COG6: variants seen among roughly 807,000 people sequenced by gnomAD.
COG6 encodes component of oligomeric golgi complex 6.
COG6 carries 74 observed loss-of-function variants against 88.8 expected under a neutral mutation model. The observed-to-expected ratio is 0.83, with a 90% CI of 0.69 to 1.01. COG6 has a LOEUF of 1.01. Among genes scored for constraint, COG6 ranks in the 50% least tolerant of loss-of-function variants. COG6 has a pLI of 0.00. For synonymous variants in COG6, 286 were observed against 278.7 expected (o/e 1.03, Z -0.26); for missense variants, 800 against 797.9 (o/e 1.00, Z -0.03).
intron 15 of COG6, among the ~76,000 whole-genome samples, chr13:39,722,487 A>G (rs1038984804): frequency 6.6e-6 from 1 of 151,888 alleles, no homozygotes; most frequent in African/African-American, 2.4e-5. Flanking sequence ...GAAAATGGCA[A>G]TCATTTAGAT....
intron 12 of COG6, among the ~76,000 whole-genome samples, chr13:39,697,662 A>G (rs77987169): frequency 0.064 from 9,661 of 151,798 alleles, 389 homozygotes; most frequent in Non-Finnish European, 0.095. Context: ...TCCTGCCCCT[A>G]TCTGATACCC....
chr13:39,759,082 G>A (rs547073248), intron 18 of COG6, among the ~76,000 whole-genome samples: 2 of 152,186 alleles, frequency 1.3e-5, no homozygotes, highest in African/African-American at 2.4e-5. Context: ...GGAACTGATC[G>A]GGAAGAGACA....
At chr13:39,762,761 GTT>G (rs199547975) in intron 18 of COG6, among the ~76,000 whole-genome samples, 2 of 139,212 alleles carry the variant, frequency 1.4e-5, no homozygotes, top group African/African-American at 2.6e-5. Flanking sequence ...CAAAATAAGA[GTT>G]TTTTTTTTTT....
At chr13:39,673,750 T>A (rs1875790284) in intron 4 of COG6, among the ~76,000 whole-genome samples, 1 of 151,468 alleles carries the variant, frequency 6.6e-6, no homozygotes, top group East Asian at 1.9e-4. Flanking sequence ...ACTCTACCAC[T>A]CAGATAGAAC....
intron 13 of COG6, among the ~76,000 whole-genome samples, chr13:39,711,395 A>G (rs1263579464): frequency 6.6e-6 from 1 of 152,224 alleles, no homozygotes; most frequent in African/African-American, 2.4e-5. Flanking sequence ...AATTAACTTT[A>G]TAGAATTCAA....
At chr13:39,673,823 T>C (rs1875794565) in intron 4 of COG6, among the ~76,000 whole-genome samples, 1 of 152,036 alleles carries the variant, frequency 6.6e-6, no homozygotes, top group African/African-American at 2.4e-5. Flanking sequence ...GTTAATATTT[T>C]ACTTTTTTCC....
intron 12 of COG6, among the ~76,000 whole-genome samples, chr13:39,695,001 G>C (rs1234608066): frequency 6.9e-6 from 1 of 143,914 alleles, no homozygotes; most frequent in African/African-American, 2.6e-5. Context: ...CCCTTATATA[G>C]CAATATAAGT....
intron 18 of COG6, among the ~76,000 whole-genome samples, chr13:39,757,901 A>C (rs894154695): frequency 1.3e-5 from 2 of 152,136 alleles, no homozygotes; most frequent in Non-Finnish European, 2.9e-5. Flanking sequence ...TGTGTATCCA[A>C]AATAAACTCT....
chr13:39,707,174 C>G (rs1178910196), intron 13 of COG6, among the ~76,000 whole-genome samples: 1 of 150,892 alleles, frequency 6.6e-6, no homozygotes, highest in African/African-American at 2.4e-5. Flanking sequence ...TGTCACCAGG[C>G]TGGAGTGTAA....
Position 39,689,742 on chromosome 13 carries a change from T to C in COG6, c.1010-18T>C, listed in dbSNP as rs1462370402. 3 of 1,555,256 alleles carry C rather than the reference T, an allele frequency of 1.9e-6. No individual in the cohort carries two copies. The East Asian group carries it at 6.8e-5, about 35-fold the overall frequency. On this transcript the variant is annotated intron_variant, in intron 10 of 18. Coordinates refer to ENST00000455146, the MANE Select transcript of COG6 (RefSeq NM_020751.3). ...ATAATATGGAAACAAATATTAATTA[T>C]GTAGTCATTAATTTTAGGTGTTGAA...
At position 39,696,520 on chromosome 13, in the gene COG6, T is replaced by C. The variant is rs577164928; in HGVS notation, c.1166+1795T>C. The stretch of plus-strand genomic sequence containing the variant: ...GGCATGAAAAGATCATGGAGAAGAG[T>C]GTCCAGGACAAAAATACACTCTGGT... On this transcript the variant is annotated intron_variant, in intron 12 of 18. Coordinates refer to ENST00000455146, the MANE Select transcript of COG6 (RefSeq NM_020751.3). Among the ~76,000 whole-genome samples, 5 of 151,640 alleles carry C rather than the reference T, an allele frequency of 3.3e-5. No individual in the cohort carries two copies. The South Asian group carries it at 6.2e-4, about 19-fold the overall frequency.
At chr13:39,693,960 A>G (rs1877119963) in intron 11 of COG6, among the ~76,000 whole-genome samples, 2 of 151,948 alleles carry the variant, frequency 1.3e-5, no homozygotes, top group East Asian at 1.9e-4. Context: ...GGACAGATAC[A>G]ATATTTAAGT....
intron 10 of COG6, 140 bp downstream of exon 10, chr13:39,687,939 T>C: frequency 2.9e-6 from 2 of 698,776 alleles, no homozygotes; most frequent in Non-Finnish European, 5.1e-6. Context: ...CTTTCTCTTC[T>C]CTAGATTCTC....
chr13:39,748,865 A>G lies in COG6; in HGVS notation c.1827-2081A>G, dbSNP rs547292183. ...TGGACCCCATTAGAACAGTGTACAG[A>G]TGTTCCAAGATCTTAAGTGGACTTC... On this transcript the variant is annotated intron_variant, in intron 18 of 18. Transcript: ENST00000455146. 5.3e-5 allele frequency among the ~76,000 whole-genome samples: 8 copies of G among 152,316 alleles called. No homozygotes were observed. In the East Asian group the frequency reaches 1.4e-3, roughly 26 times the overall value.
intron 18 of COG6, among the ~76,000 whole-genome samples, chr13:39,779,368 G>A (rs912952961): frequency 2.8e-4 from 42 of 152,164 alleles, no homozygotes; most frequent in African/African-American, 8.4e-4. Flanking sequence ...CTCTTAAATC[G>A]ATCATTCCTA....
At position 39,675,749 on chromosome 13, in the gene COG6, A is replaced by G. The variant is rs556800023; in HGVS notation, c.429-1719A>G. Among the ~76,000 whole-genome samples, 45 of 152,258 alleles carry G rather than the reference A, an allele frequency of 3.0e-4. 1 individual carries two copies. The highest frequency in any genetic ancestry group is 6.8e-3 in the Middle Eastern group (2 of 294). On this transcript the variant is annotated intron_variant, in intron 4 of 18. Transcript: ENST00000455146. ...CCTTTGTGCCTAATAAATTGATTCTAAAGATAGATCCAAAAAAGCTCCCAA... is the reference window on the plus strand; with the variant it reads ...CCTTTGTGCCTAATAAATTGATTCTGAAGATAGATCCAAAAAAGCTCCCAA...
downstream of COG6, among the ~76,000 whole-genome samples, chr13:39,753,944 A>G (rs1880748935): frequency 6.6e-6 from 1 of 152,126 alleles, no homozygotes; most frequent in Non-Finnish European, 1.5e-5. Flanking sequence ...GTCTCTCACT[A>G]CTACACCGAA....
Position 39,751,777 on chromosome 13 carries a change from G to T in COG6, c.*684G>T, listed in dbSNP as rs1216411973. 4 of 1,287,138 alleles carry T rather than the reference G, an allele frequency of 3.1e-6. No individual in the cohort carries two copies. In the South Asian group the frequency reaches 3.7e-5, roughly 12 times the overall value. The allele number at this position is 1,287,138 out of a possible 1,614,324, so 79.7% of individuals were successfully genotyped here. A position where few individuals can be genotyped will look rare whatever the true frequency, so the allele number is the denominator to read the frequency against. ...GAGAGAGAAAAGTGATTTAAACAGG[G>T]TGGATTCCACTCTGTGGGAGCCTTC... On this transcript the variant is annotated 3_prime_UTR_variant, in exon 19 of 19. Transcript: ENST00000455146.
chr13:39,686,844 C>T (rs1381898830), intron 8 of COG6, among the ~76,000 whole-genome samples: 1 of 152,068 alleles, frequency 6.6e-6, no homozygotes, highest in African/African-American at 2.4e-5. Flanking sequence ...ATCCCCCTAC[C>T]TCAGCCTTCC....
Sources: gnomAD v4.1 joint callset for allele counts (sites outside exome capture counted in the v4.1 genomes callset) on GRCh38, gnomAD v4.1.1 for gene constraint, MANE v1.5 for transcripts, NCBI Gene and HGNC (gene_info 2026-07-23, HGNC 2026-07-21) for gene names.